KIF18A: variants seen among roughly 807,000 people sequenced by gnomAD.
KIF18A encodes the protein kinesin family member 18A.
A neutral mutation model predicts 103.3 loss-of-function variants in KIF18A; 67 were observed. That is an observed-to-expected ratio of 0.65 (90% CI 0.53 to 0.79). The LOEUF (loss-of-function observed/expected upper bound fraction) is 0.79, where lower values mean the gene tolerates loss of function less well. KIF18A is among the 30% of genes least tolerant of loss of function. The probability of loss-of-function intolerance (pLI) is 0.00; values close to 1 mark genes in which losing one functional copy is unlikely to be tolerated. For missense variants in KIF18A, 1,032 were observed against 1,062.5 expected, an observed-to-expected ratio of 0.97 and a Z score of 0.40; for synonymous variants, 367 against 355.5, an observed-to-expected ratio of 1.03 and a Z score of -0.36.
At chr11:28,027,084 A>G in intron 15 of KIF18A, among the ~76,000 whole-genome samples, 1 of 151,822 alleles carries the variant, frequency 6.6e-6, no homozygotes, top group African/African-American at 2.4e-5. Flanking sequence ...ATGTAGCACA[A>G]ATAAGTAGGC....
At chr11:28,100,589 T>C (rs755995506) in intron 1 of KIF18A, among the ~76,000 whole-genome samples, 1 of 151,336 alleles carries the variant, frequency 6.6e-6, no homozygotes, top group Non-Finnish European at 1.5e-5. Flanking sequence ...AGATGTTTTG[T>C]TTGTATTTTT....
chr11:28,079,808 T>C (rs930709630), intron 9 of KIF18A, among the ~76,000 whole-genome samples: 5 of 152,070 alleles, frequency 3.3e-5, no homozygotes, highest in Non-Finnish European at 5.9e-5. Context: ...ATTGTCCTCC[T>C]AGAAGTACTC....
intron 15 of KIF18A, among the ~76,000 whole-genome samples, chr11:28,026,641 T>C (rs1020017012): frequency 1.3e-5 from 2 of 151,794 alleles, no homozygotes; most frequent in African/African-American, 2.4e-5. Context: ...ACAATTCACA[T>C]ACCTGGACAT....
chr11:28,032,119 A>G (rs1189901623), intron 15 of KIF18A, among the ~76,000 whole-genome samples: 1 of 150,660 alleles, frequency 6.6e-6, no homozygotes, highest in African/African-American at 2.4e-5. Flanking sequence ...AAAAAAAGTA[A>G]TCCCCTTTAC....
chr11:28,087,237 C>A (rs192421110), intron 6 of KIF18A, among the ~76,000 whole-genome samples: 2 of 152,152 alleles, frequency 1.3e-5, no homozygotes, highest in Non-Finnish European at 2.9e-5. Flanking sequence ...AGCCCCCACA[C>A]CCCCTGACAG....
intron 13 of KIF18A, among the ~76,000 whole-genome samples, chr11:28,037,115 C>T (rs1202841103): frequency 6.6e-6 from 1 of 151,356 alleles, no homozygotes; most frequent in African/African-American, 2.4e-5. Flanking sequence ...TTTAGATTTG[C>T]GGGTACACGT....
chr11:28,083,391 G>T, intron 7 of KIF18A, 148 bp from the exon 8 acceptor site: 1 of 844,298 alleles, frequency 1.2e-6, no homozygotes, highest in Non-Finnish European at 1.7e-6. Flanking sequence ...TATGACAAGA[G>T]GATCTGCTGA....
intron 13 of KIF18A, among the ~76,000 whole-genome samples, chr11:28,053,483 T>C (rs1850737709): frequency 6.6e-6 from 1 of 152,000 alleles, no homozygotes; most frequent in Admixed American, 6.6e-5. Context: ...TGAATCCTAA[T>C]CTTTTTTTAA....
chr11:28,086,690 C>G (rs1851233379), intron 6 of KIF18A, among the ~76,000 whole-genome samples: 1 of 152,178 alleles, frequency 6.6e-6, no homozygotes, highest in Admixed American at 6.5e-5. Context: ...GTGCTTCCAC[C>G]ATAGCAGTCT....
intron 12 of KIF18A, among the ~76,000 whole-genome samples, chr11:28,060,733 C>T (rs1850846665): frequency 6.6e-6 from 1 of 152,162 alleles, no homozygotes; most frequent in Non-Finnish European, 1.5e-5. Flanking sequence ...ACTGTTTGCA[C>T]AAACAATGTG....
At chr11:28,095,219 G>A (rs1590710902) in intron 2 of KIF18A, among the ~76,000 whole-genome samples, 1 of 152,190 alleles carries the variant, frequency 6.6e-6, no homozygotes, top group African/African-American at 2.4e-5. Context: ...CACTCAGAGG[G>A]TGCCTGCTTA....
chr11:28,025,281 T>C (rs1002871221), intron 15 of KIF18A, among the ~76,000 whole-genome samples: 1 of 152,114 alleles, frequency 6.6e-6, no homozygotes, highest in Admixed American at 6.6e-5. Flanking sequence ...TAAATGGTGA[T>C]AAATTACTAT....
intron 13 of KIF18A, among the ~76,000 whole-genome samples, chr11:28,041,145 A>G (rs1850553901): frequency 6.6e-6 from 1 of 151,868 alleles, no homozygotes; most frequent in Admixed American, 6.6e-5. Context: ...TGCTAGGTAC[A>G]GTGGTAAACA....
At chr11:28,055,573 C>G (rs751380023) in intron 13 of KIF18A, among the ~76,000 whole-genome samples, 1 of 152,086 alleles carries the variant, frequency 6.6e-6, no homozygotes, top group East Asian at 1.9e-4. Flanking sequence ...GGACTCTGAA[C>G]AGCTATACTG....
At chr11:28,031,463 T>C (rs1410496420) in intron 15 of KIF18A, among the ~76,000 whole-genome samples, 2 of 152,024 alleles carry the variant, frequency 1.3e-5, no homozygotes, top group Non-Finnish European at 2.9e-5. Context: ...TTCTCACTCA[T>C]AGGTGGGAAC....
intron 11 of KIF18A, among the ~76,000 whole-genome samples, chr11:28,068,322 C>A (rs1171700874): frequency 6.6e-6 from 1 of 151,640 alleles, no homozygotes; most frequent in African/African-American, 2.4e-5. Context: ...CTAATGCATG[C>A]CGGGCTTAAA....
chr11:28,072,167 T>A (rs1851025041), intron 10 of KIF18A, among the ~76,000 whole-genome samples: 2 of 152,096 alleles, frequency 1.3e-5, no homozygotes, highest in African/African-American at 4.8e-5. Context: ...TCCCATTAAG[T>A]TTTAAAAAAG....
chr11:28,037,411 A>C (rs188397191), intron 13 of KIF18A, among the ~76,000 whole-genome samples: 61 of 151,710 alleles, frequency 4.0e-4, no homozygotes, highest in Admixed American at 3.1e-3. Flanking sequence ...ACAATATAAC[A>C]ACCACTTAAT....
chr11:28,098,174 A>G (rs1213603217), intron 1 of KIF18A, among the ~76,000 whole-genome samples, 181 bp from the exon 2 acceptor site: 1 of 152,128 alleles, frequency 6.6e-6, no homozygotes, highest in Non-Finnish European at 1.5e-5. Context: ...ATATATGCAC[A>G]CATACACACA....
Sources: allele counts gnomAD v4.1 joint callset (sites outside exome capture counted in the v4.1 genomes callset), GRCh38; gene constraint gnomAD v4.1.1; transcripts MANE v1.5; gene names NCBI Gene and HGNC (gene_info 2026-07-23, HGNC 2026-07-21).